Variants in ZFAND6 observed in about 807,000 individuals in gnomAD.
ZFAND6 encodes AN1-type zinc finger protein 6.
In ZFAND6, 12 loss-of-function variants were observed where a neutral mutation model predicts 24.5. The ratio of observed to expected loss-of-function variants is 0.49; its 90% CI spans 0.31 to 0.79. The LOEUF (loss-of-function observed/expected upper bound fraction) is 0.79, where lower values mean the gene tolerates loss of function less well. Ranked by LOEUF, ZFAND6 falls within the 30% of genes least tolerant of loss-of-function variation. The pLI is 0.04. For missense variants in ZFAND6, 207 were observed against 245.9 expected (o/e 0.84, Z 1.06); for synonymous variants, 92 against 81.5 (o/e 1.13, Z -0.69).
intron 5 of ZFAND6, among the ~76,000 whole-genome samples, chr15:80,125,070 T>C (rs533055858): frequency 6.6e-6 from 1 of 152,272 alleles, no homozygotes; most frequent in African/African-American, 2.4e-5. Flanking sequence ...TTTCCATTTA[T>C]TTAATAGATG....
At chr15:80,123,577 A>G (rs2040240551) in intron 5 of ZFAND6, among the ~76,000 whole-genome samples, 1 of 152,212 alleles carries the variant, frequency 6.6e-6, no homozygotes, top group African/African-American at 2.4e-5. Flanking sequence ...GGTAACAGAT[A>G]CATCTGCCAA....
chr15:80,114,166 A>G (rs185078419), intron 2 of ZFAND6, among the ~76,000 whole-genome samples: 1 of 152,306 alleles, frequency 6.6e-6, no homozygotes, highest in African/African-American at 2.4e-5. Flanking sequence ...GCCACACACT[A>G]TTTGGATGCT....
intron 4 of ZFAND6, among the ~76,000 whole-genome samples, chr15:80,122,197 T>G (rs1596306816): frequency 6.6e-6 from 1 of 152,328 alleles, no homozygotes; most frequent in South Asian, 2.1e-4. Context: ...GTAGTACTCA[T>G]ATTTGTTTAT....
chr15:80,128,032 C>G (rs1223870723), intron 5 of ZFAND6, among the ~76,000 whole-genome samples: 1 of 152,090 alleles, frequency 6.6e-6, no homozygotes, highest in Non-Finnish European at 1.5e-5. Flanking sequence ...TGATACATGC[C>G]ACAGTATGAG....
At chr15:80,111,367 A>G in intron 2 of ZFAND6, 2 of 379,726 alleles carry the variant, frequency 5.3e-6, no homozygotes, top group South Asian at 4.0e-5. Context: ...TGGGTTCTTA[A>G]CTCTTGCAGT....
At chr15:80,087,063 A>G (rs1285152088) in intron 1 of ZFAND6, among the ~76,000 whole-genome samples, 6 of 152,186 alleles carry the variant, frequency 3.9e-5, no homozygotes, top group Admixed American at 1.3e-4. Context: ...CCATTCATCC[A>G]TGTATGGACA....
intron 2 of ZFAND6, among the ~76,000 whole-genome samples, chr15:80,120,023 A>G (rs900716949): frequency 2.0e-5 from 3 of 152,234 alleles, no homozygotes; most frequent in African/African-American, 4.8e-5. Context: ...GCTAGACTTA[A>G]TAAGTTATCC....
chr15:80,065,537 AT>A (rs149756891), intron 1 of ZFAND6, among the ~76,000 whole-genome samples: 45 of 76,478 alleles, frequency 5.9e-4, no homozygotes, highest in East Asian at 1.6e-3. Context: ...TTTGGTTTTG[AT>A]TTTTTTTTTT....
intron 1 of ZFAND6, among the ~76,000 whole-genome samples, chr15:80,068,403 G>T (rs778901795): frequency 6.9e-6 from 1 of 145,204 alleles, no homozygotes; most frequent in Non-Finnish European, 1.5e-5. Flanking sequence ...ATGGAGTCTC[G>T]CTCTGTTGCC....
At chr15:80,092,608 T>C (rs542179039) in intron 1 of ZFAND6, among the ~76,000 whole-genome samples, 7 of 152,294 alleles carry the variant, frequency 4.6e-5, no homozygotes, top group African/African-American at 1.7e-4. Context: ...GTCTCATCAT[T>C]CAGGCTGAAT....
chr15:80,106,547 C>T (rs1442005881), intron 2 of ZFAND6, among the ~76,000 whole-genome samples: 1 of 149,108 alleles, frequency 6.7e-6, no homozygotes, highest in Non-Finnish European at 1.5e-5. Flanking sequence ...GAATATAACT[C>T]TGAAAAAACC....
intron 2 of ZFAND6, among the ~76,000 whole-genome samples, chr15:80,110,352 T>A (rs2039544713): frequency 6.6e-6 from 1 of 152,100 alleles, no homozygotes; most frequent in African/African-American, 2.4e-5. Flanking sequence ...AACAAATACC[T>A]AGGAATATCC....
chr15:80,082,364 G>T (rs1259503966), intron 1 of ZFAND6, among the ~76,000 whole-genome samples: 2 of 152,306 alleles, frequency 1.3e-5, no homozygotes, highest in East Asian at 1.9e-4. Flanking sequence ...TAGAGAGATA[G>T]GAAAAATTGA....
chr15:80,111,237 T>TA (rs1218693916), intron 2 of ZFAND6, among the ~76,000 whole-genome samples: 1 of 152,180 alleles, frequency 6.6e-6, no homozygotes, highest in African/African-American at 2.4e-5. Context: ...ATGAGACATA[T>TA]ATTGCCTTTC....
intron 1 of ZFAND6, among the ~76,000 whole-genome samples, chr15:80,063,046 A>G (rs566267325): frequency 2.9e-4 from 44 of 152,318 alleles, no homozygotes; most frequent in Admixed American, 1.8e-3. Flanking sequence ...AAATTACAGT[A>G]TCTTACTCTC....
rs573658905 is a variant in ZFAND6, at chr15:80,062,531, C to T, written c.-181+2722C>T. Among the ~76,000 whole-genome samples the T allele has an allele frequency of 3.9e-5, 6 of 152,182 alleles. No individual in the cohort carries two copies. The East Asian group carries it at 9.6e-4, about 24-fold the overall frequency. Reference sequence around the variant, plus strand: ...AAGATAGGTGTGTTTTTATGTGTTTCATGTTTCATTCATGTATGTAAGTGT... The same window carrying T: ...AAGATAGGTGTGTTTTTATGTGTTTTATGTTTCATTCATGTATGTAAGTGT... On this transcript the variant is annotated intron_variant, in intron 1 of 6. Coordinates refer to ENST00000261749, the MANE Select transcript of ZFAND6 (RefSeq NM_019006.4).
chr15:80,095,289 A>T (rs1314609012), intron 1 of ZFAND6, among the ~76,000 whole-genome samples: 1 of 152,176 alleles, frequency 6.6e-6, no homozygotes, highest in Non-Finnish European at 1.5e-5. Context: ...AAATTTAGGA[A>T]TGTGGTTTTG....
intron 1 of ZFAND6, among the ~76,000 whole-genome samples, chr15:80,091,671 C>T (rs142461536): frequency 1.2e-3 from 181 of 151,970 alleles, no homozygotes; most frequent in African/African-American, 4.2e-3. Context: ...CAGGATCTTG[C>T]TCTTGTCACC....
At chr15:80,126,593 G>A (rs1370398226) in intron 5 of ZFAND6, among the ~76,000 whole-genome samples, 2 of 152,234 alleles carry the variant, frequency 1.3e-5, no homozygotes, top group East Asian at 1.9e-4. Flanking sequence ...ATCCACATTC[G>A]AAAGAATGAA....
Sources: gnomAD v4.1 joint callset for allele counts (sites outside exome capture counted in the v4.1 genomes callset) on GRCh38, gnomAD v4.1.1 for gene constraint, MANE v1.5 for transcripts, NCBI Gene and HGNC (gene_info 2026-07-23, HGNC 2026-07-21) for gene names.